The following NOSIP variants were observed in gnomAD, a reference collection of about 807,000 sequenced individuals.
NOSIP encodes the protein nitric oxide synthase-interacting protein.
Under a neutral mutation model 36.4 loss-of-function variants are expected in NOSIP, and 25 were observed. The ratio of observed to expected loss-of-function variants is 0.69; its 90% CI spans 0.50 to 0.96. NOSIP has a LOEUF of 0.96. NOSIP is among the 40% of genes least tolerant of loss of function. NOSIP has a pLI of 0.00. For missense variants in NOSIP, 370 were observed against 429.0 expected, an observed-to-expected ratio of 0.86 and a Z score of 1.21; for synonymous variants, 187 against 179.2, an observed-to-expected ratio of 1.04 and a Z score of -0.35.
Position 49,560,185 on chromosome 19 carries a change from G to C in NOSIP, c.71-146C>G. The C allele has an allele frequency of 3.2e-6, 2 of 624,102 alleles. No homozygotes were observed. Among genetic ancestry groups the C allele is most frequent in the Non-Finnish European group, 2.8e-6 (1 of 351,078 alleles). The allele number at this position is 624,102 out of a possible 1,614,324, so 38.7% of individuals were successfully genotyped here. On this transcript the variant is annotated intron_variant, in intron 2 of 8. Coordinates refer to ENST00000596358, the MANE Select transcript of NOSIP (RefSeq NM_001270960.2). The surrounding 1 kb of genome is among the most constrained non-coding windows in gnomAD (Gnocchi z 4.6). ...AACAGGCAGTTGGGAGCCGCTGCCT[G>C]TGTGCTGGGGCCACGGGCTGAACCC...
At chr19:49,573,734 G>C (rs1275263833) in intron 1 of NOSIP, among the ~76,000 whole-genome samples, 1 of 152,100 alleles carries the variant, frequency 6.6e-6, no homozygotes, top group Non-Finnish European at 1.5e-5. Flanking sequence ...CTTTCCACAT[G>C]TGAACACATT....
intron 4 of NOSIP, chr19:49,558,033 C>A (rs1049275300): frequency 9.7e-6 from 6 of 621,520 alleles, no homozygotes; most frequent in Middle Eastern, 7.6e-4. Flanking sequence ...GGGACAGACC[C>A]ACTGTGCCTC....
chr19:49,573,864 T>A (rs2080518002), intron 1 of NOSIP, among the ~76,000 whole-genome samples: 1 of 150,720 alleles, frequency 6.6e-6, no homozygotes, highest in Non-Finnish European at 1.5e-5. Flanking sequence ...AGTATTTTTT[T>A]TTTTTTTTTT....
chr19:49,578,739 C>T (rs923560733), intron 1 of NOSIP, among the ~76,000 whole-genome samples: 5 of 150,512 alleles, frequency 3.3e-5, no homozygotes, highest in Non-Finnish European at 7.4e-5. Context: ...CTCTGCCTCC[C>T]GGGTTCACGC....
rs1161141477 is a variant in NOSIP at position 49,556,436 on chromosome 19, G to T, written c.726-11C>A. 6.2e-7 allele frequency: 1 copy of T among 1,612,136 alleles called. No homozygotes were observed. On this transcript the variant is annotated splice_polypyrimidine_tract_variant and intron_variant, in intron 7 of 8. Transcript: ENST00000596358. ...GTGACCACAGCCCCACTACGGTGAG[G>T]CCGAAGGCGGGAGACTCTGATCAGG...
Position 49,561,195 on chromosome 19 carries a change from C to T in NOSIP, c.-1-503G>A, listed in dbSNP as rs77192141. Among the ~76,000 whole-genome samples, 1,426 of 152,228 alleles carry T rather than the reference C, an allele frequency of 9.4e-3. 21 individuals carry two copies. The highest frequency in any genetic ancestry group is 0.033 in the African/African-American group (1,378 of 41,540). On this transcript the variant is annotated intron_variant, in intron 1 of 8. Coordinates refer to ENST00000596358, the MANE Select transcript of NOSIP (RefSeq NM_001270960.2). ...ACACTTAGCTAAGGCTTGACCCAAT[C>T]GCTGCCTGCCAGTCCACTAGCGACT...
At chr19:49,567,227 A>G (rs1293036086) in intron 1 of NOSIP, among the ~76,000 whole-genome samples, 1 of 146,196 alleles carries the variant, frequency 6.8e-6, no homozygotes, top group Non-Finnish European at 1.5e-5. Context: ...GGTTCACGCC[A>G]TTCTCCTGCC....
chr19:49,558,772 C>T (rs984799024), intron 4 of NOSIP, 125 bp downstream of exon 4: 8 of 804,040 alleles, frequency 9.9e-6, no homozygotes, highest in Non-Finnish European at 1.5e-5. Flanking sequence ...TGGCCGGAAG[C>T]AGGGGAGGGG....
chr19:49,567,279 C>T (rs1182326738), intron 1 of NOSIP, among the ~76,000 whole-genome samples: 1 of 151,840 alleles, frequency 6.6e-6, no homozygotes, highest in Non-Finnish European at 1.5e-5. Context: ...CCCGCCACCA[C>T]ACCGTATAAT....
In NOSIP at chr19:49,558,554, C is replaced by T. The variant is rs150658505; in HGVS notation, c.258+343G>A. 312 of 220,302 alleles carry T rather than the reference C, an allele frequency of 1.4e-3. 3 individuals carry two copies. Among genetic ancestry groups the T allele is most frequent in the African/African-American group, 6.7e-3 (296 of 44,124 alleles). 13.6% of individuals were successfully genotyped at this position (220,302 alleles called of 1,614,324 possible). Reference sequence around the variant, plus strand: ...GATTACAGGTGTGAGCCACCACCCCCGACCCATTTAGCATATCTTTACTAA... The same window carrying T: ...GATTACAGGTGTGAGCCACCACCCCTGACCCATTTAGCATATCTTTACTAA... On this transcript the variant is annotated intron_variant, in intron 4 of 8. Transcript: ENST00000596358.
Position 49,577,287 on chromosome 19 carries a change from G to A in NOSIP, c.-2+3228C>T, listed in dbSNP as rs150720822. Among the ~76,000 whole-genome samples, 518 of 152,254 alleles carry A rather than the reference G, an allele frequency of 3.4e-3. 3 individuals are homozygous for A. The highest frequency in any genetic ancestry group is 4.4e-3 in the Non-Finnish European group (300 of 68,016). On this transcript the variant is annotated intron_variant, in intron 1 of 8. Coordinates refer to ENST00000596358, the MANE Select transcript of NOSIP (RefSeq NM_001270960.2). ...ACATACATCCATGCAGGCGGGGCGC[G>A]GTGGCTCATGCCTGTAATCCCAGCA...
At chr19:49,569,627 G>A (rs2080459515) in intron 1 of NOSIP, among the ~76,000 whole-genome samples, 1 of 148,016 alleles carries the variant, frequency 6.8e-6, no homozygotes, top group African/African-American at 2.5e-5. Flanking sequence ...GGCCAACATG[G>A]TGAAACCACG....
chr19:49,558,739 G>T, intron 4 of NOSIP, 158 bp downstream of exon 4: 1 of 702,092 alleles, frequency 1.4e-6, no homozygotes, highest in Non-Finnish European at 2.6e-6. Flanking sequence ...GCAGCATCTG[G>T]GCTGAAATCG....
chr19:49,556,170 C>T, intron 8 of NOSIP, 147 bp downstream of exon 8: 2 of 227,148 alleles, frequency 8.8e-6, no homozygotes, highest in Non-Finnish European at 7.7e-6. Context: ...CAGGAGAAAG[C>T]GGGGGGGGGG....
At chr19:49,558,770 A>G in intron 4 of NOSIP, 127 bp downstream of exon 4, 1 of 796,952 alleles carries the variant, frequency 1.3e-6, no homozygotes, top group Non-Finnish European at 2.2e-6. Flanking sequence ...TTTGGCCGGA[A>G]GCAGGGGAGG....
At chr19:49,566,794 C>CATATATATATATATATATATAT (rs147738108) in intron 1 of NOSIP, 22 of 142,952 alleles carry the variant, frequency 1.5e-4, no homozygotes, top group African/African-American at 5.7e-4. Flanking sequence ...CATATACATA[C>CATATATATATATATATATATAT]ATATATATAT....
intron 1 of NOSIP, among the ~76,000 whole-genome samples, chr19:49,567,122 CTTTTT>C (rs1234750784): frequency 1.8e-5 from 2 of 108,342 alleles, no homozygotes; most frequent in Non-Finnish European, 1.9e-5. Flanking sequence ...AGCCAAAAAA[CTTTTT>C]TTTTTTTTTT....
chr19:49,569,380 A>T (rs1239892889), intron 1 of NOSIP, among the ~76,000 whole-genome samples: 4 of 145,932 alleles, frequency 2.7e-5, no homozygotes, highest in Non-Finnish European at 1.5e-5. Flanking sequence ...TTTTTTTTTT[A>T]GTAGAGATGG....
chr19:49,573,855 G>GTTTTTT (rs1296154860), intron 1 of NOSIP, among the ~76,000 whole-genome samples: 2 of 147,272 alleles, frequency 1.4e-5, no homozygotes, highest in African/African-American at 5.1e-5. Flanking sequence ...CAGGACTGAA[G>GTTTTTT]TATTTTTTTT....
Sources: allele counts gnomAD v4.1 joint callset (sites outside exome capture counted in the v4.1 genomes callset), GRCh38; gene constraint gnomAD v4.1.1; non-coding constraint Gnocchi (gnomAD v3.1); transcripts MANE v1.5; gene names NCBI Gene and HGNC (gene_info 2026-07-23, HGNC 2026-07-21).